Variants in BBX observed in about 807,000 individuals in gnomAD.
BBX encodes BBX high mobility group box domain containing, also known as HMG box transcription factor BBX.
BBX carries 30 observed loss-of-function variants against 100.2 expected under a neutral mutation model. The ratio of observed to expected loss-of-function variants is 0.30; its 90% CI spans 0.22 to 0.41. BBX has a LOEUF of 0.41. Among genes scored for constraint, BBX ranks in the 10% least tolerant of loss-of-function variants. The probability of loss-of-function intolerance (pLI) is 1.00; values close to 1 mark genes in which losing one functional copy is unlikely to be tolerated. For synonymous variants in BBX, 376 were observed against 388.1 expected (o/e 0.97, Z 0.37); for missense variants, 1,023 against 1,129.8 (o/e 0.91, Z 1.35).
chr3:107,549,044 T>C (rs764441321), intron 2 of BBX, among the ~76,000 whole-genome samples: 1 of 152,136 alleles, frequency 6.6e-6, no homozygotes, highest in Non-Finnish European at 1.5e-5. Context: ...TTGGGTATGC[T>C]CACCACCTGG....
At chr3:107,660,520 A>T (rs1041799147) in intron 3 of BBX, among the ~76,000 whole-genome samples, 1 of 151,326 alleles carries the variant, frequency 6.6e-6, no homozygotes, top group African/African-American at 2.4e-5. Flanking sequence ...AAAAAAAAAA[A>T]AAAAAAAGCA....
intron 2 of BBX, among the ~76,000 whole-genome samples, chr3:107,637,169 A>T (rs2056897915): frequency 6.6e-6 from 1 of 152,192 alleles, no homozygotes; most frequent in Admixed American, 6.5e-5. Flanking sequence ...TTAACTTTTT[A>T]TTCTAAGGTA....
In BBX at chr3:107,653,636, G is replaced by A. The variant is rs1322163115; in HGVS notation, c.-10+7727G>A. Reference sequence around the variant, plus strand: ...GGCTATATTACTATTCTTATAAAACGGATGAGTTATCTAATTGTTTCAGTG... The same window carrying A: ...GGCTATATTACTATTCTTATAAAACAGATGAGTTATCTAATTGTTTCAGTG... On this transcript the variant is annotated intron_variant, in intron 3 of 17. Coordinates refer to ENST00000325805, the MANE Select transcript of BBX (RefSeq NM_001142568.3). 4.6e-5 allele frequency among the ~76,000 whole-genome samples: 7 copies of A among 152,020 alleles called. No individual in the cohort carries two copies. In the South Asian group the frequency reaches 1.2e-3, roughly 27 times the overall value.
At chr3:107,765,457 ATGTG>A (rs371357877) in intron 10 of BBX, among the ~76,000 whole-genome samples, 2 of 143,840 alleles carry the variant, frequency 1.4e-5, no homozygotes, top group African/African-American at 5.0e-5. Context: ...GTGGGTGTGT[ATGTG>A]TGTGTGTGTG....
At chr3:107,678,503 T>C (rs1168000593) in intron 3 of BBX, among the ~76,000 whole-genome samples, 1 of 152,094 alleles carries the variant, frequency 6.6e-6, no homozygotes, top group Non-Finnish European at 1.5e-5. Flanking sequence ...GCAGGAGGAT[T>C]GTTTGAGCCC....
At chr3:107,540,544 AAGCC>A (rs750880401) in intron 2 of BBX, among the ~76,000 whole-genome samples, 59 of 152,330 alleles carry the variant, frequency 3.9e-4, no homozygotes, top group Non-Finnish European at 7.9e-4. Flanking sequence ...GAATGAAGCA[AAGCC>A]AGTGATTCTG....
intron 2 of BBX, among the ~76,000 whole-genome samples, chr3:107,618,512 C>T (rs77442427): frequency 0.013 from 2,020 of 151,992 alleles, 33 homozygotes; most frequent in East Asian, 0.075. Context: ...GCATGATGTC[C>T]TGTTTCAAAA....
chr3:107,560,239 G>T (rs2050387548), intron 2 of BBX, among the ~76,000 whole-genome samples: 1 of 151,462 alleles, frequency 6.6e-6, no homozygotes, highest in African/African-American at 2.4e-5. Context: ...TCTGGGATGG[G>T]TGAAAGCAAA....
intron 2 of BBX, among the ~76,000 whole-genome samples, chr3:107,619,119 C>T (rs2055536732): frequency 1.3e-5 from 2 of 152,050 alleles, no homozygotes; most frequent in African/African-American, 4.8e-5. Flanking sequence ...CGATATGGCA[C>T]TTTTATCATG....
chr3:107,697,586 G>A (rs374507035), intron 3 of BBX, among the ~76,000 whole-genome samples: 20 of 151,998 alleles, frequency 1.3e-4, no homozygotes, highest in South Asian at 4.1e-4. Context: ...TGGGAGAACC[G>A]CTGCTCTCTT....
In BBX at chr3:107,748,048, T is replaced by C. The variant is rs1331269577; in HGVS notation, c.825+9T>C. 1 of 1,605,406 alleles carries C rather than the reference T, an allele frequency of 6.2e-7. No individual in the cohort carries two copies. Among genetic ancestry groups the C allele is most frequent in the Admixed American group, 1.7e-5 (1 of 59,094 alleles). On this transcript the variant is annotated intron_variant, in intron 9 of 17. Transcript: ENST00000325805. ...TGTTTCAGTTTGCAGAGGTATGGCC[T>C]TTTTAAAATGCTTTTTAGGCTAAGA...
At chr3:107,565,728 A>AT (rs1213325822) in intron 2 of BBX, among the ~76,000 whole-genome samples, 1 of 151,266 alleles carries the variant, frequency 6.6e-6, no homozygotes, top group Non-Finnish European at 1.5e-5. Context: ...TCATGCTCGG[A>AT]TTACAGGCAT....
chr3:107,659,791 G>A, intron 3 of BBX: 1 of 1,255,324 alleles, frequency 8.0e-7, no homozygotes, highest in African/African-American at 1.5e-5. Context: ...AGATACAGAA[G>A]TGGTACCCTG....
At chr3:107,805,307 G>T in intron 17 of BBX, 63 bp from the exon 18 acceptor site, 7 of 1,473,422 alleles carry the variant, frequency 4.8e-6, no homozygotes, top group Non-Finnish European at 5.5e-6. Flanking sequence ...GTTATTCATC[G>T]TCCTCTCCTG....
At chr3:107,615,386 C>G (rs1226151564) in intron 2 of BBX, among the ~76,000 whole-genome samples, 2 of 152,124 alleles carry the variant, frequency 1.3e-5, no homozygotes, top group Non-Finnish European at 2.9e-5. Context: ...AAATTAATTT[C>G]TCATACTTCT....
intron 2 of BBX, among the ~76,000 whole-genome samples, chr3:107,578,553 G>A (rs970011303): frequency 1.4e-4 from 22 of 152,184 alleles, no homozygotes; most frequent in African/African-American, 5.3e-4. Flanking sequence ...AAAAATAGTA[G>A]CATCTACGCT....
rs577838020 is a variant in BBX at position 107,727,437 on chromosome 3, G to T, written c.406-1328G>T. On this transcript the variant is annotated intron_variant, in intron 5 of 17. Transcript: ENST00000325805. ...CTCCTAACACGTTCTGCTTTTTGAT[G>T]GTGAATTCTAGTTTGGCCTTGTGTC... 5.3e-5 allele frequency among the ~76,000 whole-genome samples: 8 copies of T among 152,136 alleles called. No individual in the cohort carries two copies. The South Asian group carries it at 1.7e-3, about 32-fold the overall frequency.
chr3:107,723,760 A>ATAG (rs1222272159), intron 5 of BBX, among the ~76,000 whole-genome samples: 1 of 152,136 alleles, frequency 6.6e-6, no homozygotes, highest in African/African-American at 2.4e-5. Flanking sequence ...TTATGGCTGC[A>ATAG]TAGTATTCCA....
intron 5 of BBX, among the ~76,000 whole-genome samples, chr3:107,727,369 T>C (rs1403079016): frequency 6.6e-6 from 1 of 152,134 alleles, no homozygotes; most frequent in East Asian, 1.9e-4. Context: ...CTCATGCACA[T>C]GAATGCACTG....
Sources: allele counts gnomAD v4.1 joint callset (sites outside exome capture counted in the v4.1 genomes callset), GRCh38; gene constraint gnomAD v4.1.1; transcripts MANE v1.5; gene names NCBI Gene and HGNC (gene_info 2026-07-23, HGNC 2026-07-21).